The following AGPS variants were observed in gnomAD, a reference collection of about 807,000 sequenced individuals.
AGPS encodes alkylglycerone phosphate synthase.
In AGPS, 26 loss-of-function variants were observed where a neutral mutation model predicts 90.7. The observed-to-expected ratio is 0.29, with a 90% CI of 0.21 to 0.40. The LOEUF (loss-of-function observed/expected upper bound fraction) is 0.40. AGPS is among the 10% of genes least tolerant of loss of function. AGPS has a pLI of 1.00. For synonymous variants in AGPS, 294 were observed against 285.3 expected (o/e 1.03, Z -0.31); for missense variants, 540 against 816.1 (o/e 0.66, Z 4.12).
intron 3 of AGPS, among the ~76,000 whole-genome samples, chr2:177,435,842 T>C (rs1041199282): frequency 1.3e-5 from 2 of 152,190 alleles, no homozygotes; most frequent in African/African-American, 4.8e-5. Context: ...ATTAGGTGCT[T>C]TTCACAAAAA....
chr2:177,438,983 T>TACACACAC (rs1252168755), intron 5 of AGPS, among the ~76,000 whole-genome samples: 15,391 of 150,060 alleles, frequency 0.1, 1,080 homozygotes, highest in East Asian at 0.34. Context: ...ATTCTTGCAA[T>TACACACAC]ACACACACAC....
chr2:177,404,911 A>G (rs1170300994), intron 1 of AGPS, among the ~76,000 whole-genome samples: 2 of 152,236 alleles, frequency 1.3e-5, no homozygotes, highest in Non-Finnish European at 2.9e-5. Context: ...TAAAAAAATT[A>G]TCATATTTTG....
At chr2:177,486,355 G>A (rs1288926359) in intron 11 of AGPS, among the ~76,000 whole-genome samples, 2 of 152,128 alleles carry the variant, frequency 1.3e-5, no homozygotes, top group African/African-American at 2.4e-5. Context: ...ATATTAGTTT[G>A]TAGAACATAC....
chr2:177,461,596 G>A (rs1034192026), intron 8 of AGPS, among the ~76,000 whole-genome samples: 27 of 152,170 alleles, frequency 1.8e-4, no homozygotes, highest in African/African-American at 6.0e-4. Flanking sequence ...GGGAAGGACA[G>A]CTGGCCTTAA....
At chr2:177,414,093 C>G (rs1444912178) in intron 1 of AGPS, among the ~76,000 whole-genome samples, 2 of 152,084 alleles carry the variant, frequency 1.3e-5, no homozygotes, top group East Asian at 3.9e-4. Flanking sequence ...TAGAATTTTT[C>G]CCCTTTATAC....
At chr2:177,493,124 CTT>C in intron 11 of AGPS, 22 bp from the exon 12 acceptor site, 1 of 1,466,726 alleles carries the variant, frequency 6.8e-7, no homozygotes, top group Non-Finnish European at 9.4e-7. Context: ...ATTTGTATCA[CTT>C]TTTTTTTTCT....
intron 1 of AGPS, among the ~76,000 whole-genome samples, chr2:177,418,186 A>G (rs1252863662): frequency 2.6e-5 from 4 of 152,094 alleles, no homozygotes; most frequent in Non-Finnish European, 5.9e-5. Context: ...TACAGTTGAA[A>G]ATTTGGAAGT....
chr2:177,505,463 A>G (rs1372486622), intron 14 of AGPS, 43 bp from the exon 15 acceptor site: 2 of 1,528,240 alleles, frequency 1.3e-6, no homozygotes, highest in Non-Finnish European at 1.8e-6. Flanking sequence ...GATAAATGAG[A>G]TTAAGATAAA....
Position 177,518,329 on chromosome 2 carries a change from G to A in AGPS, c.1698-2940G>A, listed in dbSNP as rs1032917974. 7.2e-5 allele frequency among the ~76,000 whole-genome samples: 11 copies of A among 151,984 alleles called. No individual in the cohort carries two copies. In the East Asian group the frequency reaches 1.3e-3, roughly 19 times the overall value. On this transcript the variant is annotated intron_variant, in intron 17 of 19. Transcript: ENST00000264167. Reference sequence around the variant, plus strand: ...CAGGCGCCTGTAATCCCAGCAATTCGGGAGGCTGAGGTAGGAGAATCGCTT... The same window carrying A: ...CAGGCGCCTGTAATCCCAGCAATTCAGGAGGCTGAGGTAGGAGAATCGCTT...
At chr2:177,470,345 G>T (rs1464572655) in intron 10 of AGPS, among the ~76,000 whole-genome samples, 1 of 152,122 alleles carries the variant, frequency 6.6e-6, no homozygotes, top group East Asian at 1.9e-4. Flanking sequence ...TACCTCCGTA[G>T]GTAGTCACTA....
In AGPS at chr2:177,442,921, G is replaced by A. The variant is rs112594449; in HGVS notation, c.789+435G>A. The stretch of plus-strand genomic sequence containing the variant: ...ACCCTTGTATTCAGTTCTCCAAAAG[G>A]TAGGTTTACTTTTACCCTCAGGTAT... On this transcript the variant is annotated intron_variant, in intron 7 of 19. Transcript: ENST00000264167. Among the ~76,000 whole-genome samples the A allele has an allele frequency of 4.3e-3, 648 of 151,318 alleles. 4 individuals carry two copies. The highest frequency in any genetic ancestry group is 6.8e-3 in the Non-Finnish European group (460 of 67,870).
Position 177,538,045 on chromosome 2 carries a change from T to C in AGPS, c.1856-29T>C, listed in dbSNP as rs745894461. 1.2e-5 allele frequency: 20 copies of C among 1,612,250 alleles called. No individual in the cohort carries two copies. In the South Asian group the frequency reaches 1.4e-4, roughly 12 times the overall value. The stretch of plus-strand genomic sequence containing the variant: ...TTGGTTCCCAGTATCATAGCATATA[T>C]TGAAGCATTTTTGATTTTGTTTTTC... On this transcript the variant is annotated intron_variant, in intron 19 of 19. Coordinates refer to ENST00000264167, the MANE Select transcript of AGPS (RefSeq NM_003659.4).
intron 9 of AGPS, among the ~76,000 whole-genome samples, chr2:177,465,834 C>T (rs1687429322): frequency 6.6e-6 from 1 of 152,268 alleles, no homozygotes; most frequent in Non-Finnish European, 1.5e-5. Flanking sequence ...CTTCTCTTTC[C>T]TCTCTTTCCC....
In AGPS at chr2:177,543,515, A is replaced by G. The variant is rs1195206878; in HGVS notation, c.*5320A>G. ...ACTGTAGTAATCCTTTGGGAACTACATGTGAGTAAGCACTTGTATGTAAGC... is the reference window on the plus strand; with the variant it reads ...ACTGTAGTAATCCTTTGGGAACTACGTGTGAGTAAGCACTTGTATGTAAGC... On this transcript the variant is annotated 3_prime_UTR_variant, in exon 20 of 20. Transcript: ENST00000264167. 1 of 152,246 alleles carries G rather than the reference A, an allele frequency of 6.6e-6. No homozygotes were observed. The highest frequency in any genetic ancestry group is 1.5e-5 in the Non-Finnish European group (1 of 68,038). The allele number at this position is 152,246 out of a possible 1,614,324, so 9.4% of individuals were successfully genotyped here.
At position 177,434,373 on chromosome 2, in the gene AGPS, C is replaced by A. The variant is rs747488115; in HGVS notation, c.397C>A (p.Gln133Lys). Reference sequence around the variant, plus strand: ...TTTACCAACATTTAAAGAATGGATCCAAAATACCCTTGGAGTAAATGTGGA... The same window carrying A: ...TTTACCAACATTTAAAGAATGGATCAAAAATACCCTTGGAGTAAATGTGGA... ...MGLPTFKEWI[Q>K]NTLGVNVEHK... Residue 133 changes from glutamine to lysine, a missense_variant, in exon 3 of 20, where the codon CAA becomes AAA. By Grantham distance (53) the Gln-to-Lys change is moderately conservative. Around this residue, in one of 2 missense-constraint regions of AGPS, gnomAD observed 405 missense variants for 692.1 expected, o/e 0.59. Coordinates refer to ENST00000264167, the MANE Select transcript of AGPS (RefSeq NM_003659.4). 2 of 1,612,974 alleles carry A rather than the reference C, an allele frequency of 1.2e-6. No individual in the cohort carries two copies. Among genetic ancestry groups the A allele is most frequent in the Admixed American group, 3.3e-5 (2 of 59,992 alleles).
chr2:177,512,565 T>C (rs1688906169), intron 16 of AGPS, among the ~76,000 whole-genome samples: 1 of 152,206 alleles, frequency 6.6e-6, no homozygotes, highest in African/African-American at 2.4e-5. Flanking sequence ...AAAGTGGTTC[T>C]CATACAGTCA....
At chr2:177,479,106 T>C (rs2105689769) in intron 10 of AGPS, among the ~76,000 whole-genome samples, 1 of 152,210 alleles carries the variant, frequency 6.6e-6, no homozygotes, top group South Asian at 2.1e-4. Context: ...CAATGGCATG[T>C]TTCTATCTAA....
chr2:177,400,757 G>A lies in AGPS; in HGVS notation c.260+7708G>A, dbSNP rs547430122. ...TCCAAATTCTATTTATAGTTGCTGTGTCAGAGACCTCATCCTATAAGCAGG... is the reference window on the plus strand; with the variant it reads ...TCCAAATTCTATTTATAGTTGCTGTATCAGAGACCTCATCCTATAAGCAGG... On this transcript the variant is annotated intron_variant, in intron 1 of 19. Coordinates refer to ENST00000264167, the MANE Select transcript of AGPS (RefSeq NM_003659.4). Among the ~76,000 whole-genome samples the A allele has an allele frequency of 7.2e-5, 11 of 152,272 alleles. No individual in the cohort carries two copies. The South Asian group carries it at 2.3e-3, about 32-fold the overall frequency.
At chr2:177,475,935 C>T (rs1479594676) in intron 10 of AGPS, among the ~76,000 whole-genome samples, 2 of 152,058 alleles carry the variant, frequency 1.3e-5, no homozygotes, top group Non-Finnish European at 2.9e-5. Context: ...GTCCCATTTT[C>T]TCTAAGTTAT....
Sources: allele counts gnomAD v4.1 joint callset (sites outside exome capture counted in the v4.1 genomes callset), GRCh38; gene constraint gnomAD v4.1.1; regional missense constraint gnomAD v4.1.1; transcripts MANE v1.5; gene names NCBI Gene and HGNC (gene_info 2026-07-23, HGNC 2026-07-21).